The following CSPG4 variants were observed in gnomAD, a reference collection of about 807,000 sequenced individuals.
CSPG4 encodes the protein chondroitin sulfate proteoglycan 4 (melanoma-associated).
Under a neutral mutation model 139.3 loss-of-function variants are expected in CSPG4, and 74 were observed. The ratio of observed to expected loss-of-function variants is 0.53; its 90% confidence interval spans 0.44 to 0.64. The LOEUF (loss-of-function observed/expected upper bound fraction) is 0.64. Among genes scored for constraint, CSPG4 ranks in the 30% least tolerant of loss-of-function variants. The probability of loss-of-function intolerance (pLI) is 0.00; values close to 1 mark genes in which losing one functional copy is unlikely to be tolerated. For synonymous variants in CSPG4, 1,234 were observed against 1,394.2 expected, an observed-to-expected ratio of 0.89 and a Z score of 2.56; for missense variants, 2,565 against 3,148.3, an observed-to-expected ratio of 0.81 and a Z score of 4.43.
rs1406770938 is a variant in CSPG4 at position 75,689,156 on chromosome 15, C to G, written c.1909G>C (p.Asp637His). The change falls in exon 3 of 10, where the codon GAC becomes CAC. Residue 637 changes from aspartate (D) to histidine (H), a missense_variant. Around this residue, in one of 5 missense-constraint regions of CSPG4, gnomAD observed 2,316 missense variants for 2,818.2 expected, o/e 0.82. Coordinates refer to ENST00000308508, the MANE Select transcript of CSPG4 (RefSeq NM_001897.5). ...VYVHRGGPAQDLTFRVSDGLQ... is the reference protein window; with the variant it reads ...VYVHRGGPAQHLTFRVSDGLQ... ...CCATCGCTGACCCGGAACGTCAAGT[C>G]CTGTGCAGGACCACCGCGGTGGACA... The G allele has an allele frequency of 6.2e-7, 1 of 1,600,514 alleles. No homozygotes were observed. The highest frequency in any genetic ancestry group is 8.5e-7 in the Non-Finnish European group (1 of 1,173,612).
chr15:75,701,836 G>A (rs1272831067), intron 1 of CSPG4, among the ~76,000 whole-genome samples: 2 of 152,082 alleles, frequency 1.3e-5, no homozygotes, highest in South Asian at 2.1e-4. Flanking sequence ...CGCCAGCCCC[G>A]TGAAGGCCCG....
intron 1 of CSPG4, among the ~76,000 whole-genome samples, chr15:75,700,803 G>C (rs1172734947): frequency 1.3e-5 from 2 of 152,198 alleles, no homozygotes; most frequent in Non-Finnish European, 2.9e-5. Flanking sequence ...GATGGGGGAA[G>C]AACAGAGGAA....
intron 1 of CSPG4, among the ~76,000 whole-genome samples, chr15:75,700,040 G>A (rs1894280977): frequency 1.3e-5 from 2 of 152,142 alleles, no homozygotes; most frequent in Non-Finnish European, 2.9e-5. Context: ...GCCCTAGCAG[G>A]GCTCCTGGGA....
At chr15:75,704,925 C>G (rs1275784071) in intron 1 of CSPG4, among the ~76,000 whole-genome samples, 1 of 152,224 alleles carries the variant, frequency 6.6e-6, no homozygotes, top group Admixed American at 6.5e-5. Flanking sequence ...TGGCCTCCAG[C>G]CCCCACCTCC....
rs149661925 is a variant in CSPG4, at chr15:75,689,652, G to A, written c.1413C>T (p.Ser471=). 2.2e-5 allele frequency: 36 copies of A among 1,612,882 alleles called. No individual in the cohort carries two copies. The African/African-American group carries it at 3.3e-4, about 15-fold the overall frequency. The stretch of plus-strand genomic sequence containing the variant: ...CGCCATGGCGTGCCCCTCGGGTCAC[G>A]CTGAACAGCACCTGGGATTTGCGCA... ...AELRKSQVLF[S]VTRGARHGEL... is the part of the protein sequence containing the mutation. The change falls in exon 3 of 10, where the codon AGC becomes AGT. Residue 471 remains serine, a synonymous_variant. Coordinates refer to ENST00000308508, the MANE Select transcript of CSPG4 (RefSeq NM_001897.5).
At position 75,675,886 on chromosome 15, in the gene CSPG4, C is replaced by G. The variant is rs746319602; in HGVS notation, c.6633G>C (p.Lys2211Asn). 1.1e-5 allele frequency: 18 copies of G among 1,605,840 alleles called. No individual in the cohort carries two copies. The highest frequency in any genetic ancestry group is 1.4e-5 in the Non-Finnish European group (17 of 1,179,896). Residue 2211 changes from lysine to asparagine, a missense_variant, in exon 10 of 10, where the codon AAG becomes AAC. Around this residue, in one of 5 missense-constraint regions of CSPG4, gnomAD observed 2,316 missense variants for 2,818.2 expected, o/e 0.82. Transcript: ENST00000308508. ...CCTCAAGGAAGCTCAGGAAGCCTCC[C>G]TTGGCCACAGCGGGCTCAGGGCTGG... is the stretch of plus-strand genomic sequence containing the variant. ...MASSPEPAVAKGGFLSFLEAN... is the reference protein window; with the variant it reads ...MASSPEPAVANGGFLSFLEAN...
rs1379955422 is a variant in CSPG4 at position 75,688,672 on chromosome 15, T to C, written c.2393A>G (p.Gln798Arg). The C allele has an allele frequency of 7.4e-6, 12 of 1,612,192 alleles. No homozygotes were observed. The highest frequency in any genetic ancestry group is 1.0e-5 in the Non-Finnish European group (12 of 1,179,576). The stretch of plus-strand genomic sequence containing the variant: ...GTGGGCTGTGGTGAGGGTCTCCTGC[T>C]GGGTGTTCTGAGTGTGCAGTGGCTC... ...RLEPLHTQNT[Q>R]QETLTTAHLE... is the part of the protein sequence containing the mutation. Residue 798 changes from glutamine to arginine, a missense_variant, in exon 3 of 10, where the codon CAG becomes CGG. Around this residue, in one of 5 missense-constraint regions of CSPG4, gnomAD observed 2,316 missense variants for 2,818.2 expected, o/e 0.82. Transcript: ENST00000308508.
At chr15:75,684,626 G>T in intron 5 of CSPG4, 110 bp downstream of exon 5, 2 of 997,688 alleles carry the variant, frequency 2.0e-6, no homozygotes, top group Non-Finnish European at 3.0e-6. Flanking sequence ...TCCCCATTTT[G>T]CAGAGGAGGA....
In CSPG4 at chr15:75,690,385, T is replaced by A. The variant is rs755551589; in HGVS notation, c.680A>T (p.Glu227Val). The change falls in exon 3 of 10, where the codon GAG becomes GTG. Residue 227 changes from glutamate to valine, a missense_variant. Around this residue, in one of 5 missense-constraint regions of CSPG4, gnomAD observed 40 missense variants for 89.0 expected, o/e 0.45. Coordinates refer to ENST00000308508, the MANE Select transcript of CSPG4 (RefSeq NM_001897.5). ...AWGTQDEGTL[E>V]FTLTTQSRQA... ...CCGGCTCTGTGTGGTGAGTGTAAAC[T>A]CTAGGGTTCCTTCGTCCTGAGTGCC... 1.9e-6 allele frequency: 3 copies of A among 1,610,400 alleles called. No homozygotes were observed. In the East Asian group the frequency reaches 6.7e-5, roughly 36 times the overall value.
At chr15:75,710,114 C>T (rs1894428697) in intron 1 of CSPG4, among the ~76,000 whole-genome samples, 1 of 152,142 alleles carries the variant, frequency 6.6e-6, no homozygotes, top group South Asian at 2.1e-4. Context: ...AAGATACCCC[C>T]ATCAGTTCTG....
At chr15:75,709,692 C>T (rs115863289) in intron 1 of CSPG4, among the ~76,000 whole-genome samples, 265 of 152,228 alleles carry the variant, frequency 1.7e-3, no homozygotes, top group African/African-American at 5.8e-3. Flanking sequence ...CTGGGCAGCA[C>T]GCCCAGTTCC....
In CSPG4 at chr15:75,674,371, G is replaced by A; in HGVS notation, c.*1179C>T. The stretch of plus-strand genomic sequence containing the variant: ...AATTTTTGTCTTGCAGCTCTTTGTA[G>A]AGGACCTAGCCTTTCTCTACTGAAC... On this transcript the variant is annotated 3_prime_UTR_variant, in exon 10 of 10. Coordinates refer to ENST00000308508, the MANE Select transcript of CSPG4 (RefSeq NM_001897.5). The A allele has an allele frequency of 4.3e-6, 1 of 231,890 alleles. No individual in the cohort carries two copies. The highest frequency in any genetic ancestry group is 1.8e-4 in the South Asian group (1 of 5,558). 14.4% of individuals were successfully genotyped at this position (231,890 alleles called of 1,614,324 possible). A position where few individuals can be genotyped will look rare whatever the true frequency, so the allele number is the denominator to read the frequency against.
rs755001196 is a variant in CSPG4, at chr15:75,688,976, C to G, written c.2089G>C (p.Val697Leu). The change falls in exon 3 of 10, where the codon GTG becomes CTG. Residue 697 changes from valine (V) to leucine (L), a missense_variant. Transcript: ENST00000308508. The part of the protein sequence containing the change: ...SVETNAVGQD[V>L]SVLFRVTGAL... ...CCAGTGACGCGGAACAGCACGCTCACATCCTGCCCCACGGCATTGGTCTCC... is the reference window on the plus strand; with the variant it reads ...CCAGTGACGCGGAACAGCACGCTCAGATCCTGCCCCACGGCATTGGTCTCC... The G allele has an allele frequency of 2.5e-6, 4 of 1,612,488 alleles. No homozygotes were observed. The highest frequency in any genetic ancestry group is 3.4e-6 in the Non-Finnish European group (4 of 1,180,014).
At chr15:75,694,090 G>C (rs2141433131) in intron 1 of CSPG4, among the ~76,000 whole-genome samples, 1 of 152,358 alleles carries the variant, frequency 6.6e-6, no homozygotes, top group East Asian at 1.9e-4. Context: ...GAACAGCTGA[G>C]TTCCTAACTT....
chr15:75,709,484 C>A (rs554594230), intron 1 of CSPG4, among the ~76,000 whole-genome samples: 1 of 152,318 alleles, frequency 6.6e-6, no homozygotes, highest in African/African-American at 2.4e-5. Context: ...CCCCTGTCCC[C>A]ATCCTGTGCT....
Position 75,675,473 on chromosome 15 carries a change from A to G in CSPG4, c.*77T>C, listed in dbSNP as rs1127646. Reference sequence around the variant, plus strand: ...GCTCTGGGGATACTCAGACAGCACCAGGCATGGAAGCAATGGGGCCCGGGA... The same window carrying G: ...GCTCTGGGGATACTCAGACAGCACCGGGCATGGAAGCAATGGGGCCCGGGA... On this transcript the variant is annotated 3_prime_UTR_variant, in exon 10 of 10. Coordinates refer to ENST00000308508, the MANE Select transcript of CSPG4 (RefSeq NM_001897.5). 722,787 of 1,372,746 alleles carry G rather than the reference A, an allele frequency of 0.53. 195,769 individuals carry two copies. Among genetic ancestry groups the G allele is most frequent in the Non-Finnish European group, 0.56 (587,529 of 1,052,828 alleles). 85.0% of individuals were successfully genotyped at this position (1,372,746 alleles called of 1,614,324 possible).
chr15:75,676,858 G>A lies in CSPG4; in HGVS notation c.5661C>T (p.Gly1887=), dbSNP rs746213469. ...GCGTGAAGCGGGTCACGGGCCCCAGGCCACCACCCACCAGGCTGAGGAAGC... is the reference window on the plus strand; with the variant it reads ...GCGTGAAGCGGGTCACGGGCCCCAGACCACCACCCACCAGGCTGAGGAAGC... ...HNGFLSLVGG[G]LGPVTRFTQA... The change falls in exon 10 of 10, where the codon GGC becomes GGT. Residue 1887 remains glycine, a synonymous_variant. Coordinates refer to ENST00000308508, the MANE Select transcript of CSPG4 (RefSeq NM_001897.5). 2 of 1,581,488 alleles carry A rather than the reference G, an allele frequency of 1.3e-6. No individual in the cohort carries two copies. The highest frequency in any genetic ancestry group is 1.7e-5 in the Admixed American group (1 of 57,640).
chr15:75,706,730 C>A (rs191010718), intron 1 of CSPG4, among the ~76,000 whole-genome samples: 1 of 152,062 alleles, frequency 6.6e-6, no homozygotes, highest in African/African-American at 2.4e-5. Context: ...AAGGTGCCAG[C>A]GGTTGTGGAT....
At chr15:75,709,144 G>A (rs1421006875) in intron 1 of CSPG4, among the ~76,000 whole-genome samples, 1 of 152,166 alleles carries the variant, frequency 6.6e-6, no homozygotes, top group Non-Finnish European at 1.5e-5. Context: ...GCCCCACGGA[G>A]GAGCCAAGTA....
Sources: gnomAD v4.1 joint callset for allele counts (sites outside exome capture counted in the v4.1 genomes callset) on GRCh38, gnomAD v4.1.1 for gene constraint, gnomAD v4.1.1 regional missense constraint, MANE v1.5 for transcripts, NCBI Gene and HGNC (gene_info 2026-07-23, HGNC 2026-07-21) for gene names.